The following SYT13 variants were observed in gnomAD, a reference collection of about 807,000 sequenced individuals.
SYT13 encodes synaptotagmin-13.
In SYT13, 21 loss-of-function variants were observed where a neutral mutation model predicts 38.6. That is an observed-to-expected ratio of 0.54 (90% confidence interval 0.39 to 0.78). The LOEUF (loss-of-function observed/expected upper bound fraction) is 0.78, where lower values mean the gene tolerates loss of function less well. Among genes scored for constraint, SYT13 ranks in the 30% least tolerant of loss-of-function variants. The pLI is 0.00. For synonymous variants in SYT13, 241 were observed against 237.6 expected, an observed-to-expected ratio of 1.01 and a Z score of -0.13; for missense variants, 495 against 548.7, an observed-to-expected ratio of 0.90 and a Z score of 0.98.
chr11:45,267,770 G>A (rs1344162820), intron 1 of SYT13, among the ~76,000 whole-genome samples: 1 of 152,162 alleles, frequency 6.6e-6, no homozygotes, highest in African/African-American at 2.4e-5. Flanking sequence ...AGTTATTTCT[G>A]GGAGTGGGAG....
At chr11:45,269,670 A>G (rs1415045468) in intron 1 of SYT13, among the ~76,000 whole-genome samples, 3 of 152,240 alleles carry the variant, frequency 2.0e-5, no homozygotes, top group South Asian at 2.1e-4. Flanking sequence ...AGATTGAAAC[A>G]TATCCAAGCT....
chr11:45,251,014 T>G (rs927461919), intron 4 of SYT13, among the ~76,000 whole-genome samples: 1 of 152,122 alleles, frequency 6.6e-6, no homozygotes, highest in Non-Finnish European at 1.5e-5. Flanking sequence ...ATAGTCATGG[T>G]GTCTCTCTCA....
intron 5 of SYT13, among the ~76,000 whole-genome samples, chr11:45,245,339 T>C (rs1430378080): frequency 6.6e-6 from 1 of 152,230 alleles, no homozygotes; most frequent in Non-Finnish European, 1.5e-5. Flanking sequence ...TCTGGGAGGT[T>C]AGTTTGTTAT....
Position 45,241,519 on chromosome 11 carries a change from C to G in SYT13, c.*2533G>C, listed in dbSNP as rs1565370481. On this transcript the variant is annotated 3_prime_UTR_variant, in exon 6 of 6. Coordinates refer to ENST00000020926, the MANE Select transcript of SYT13 (RefSeq NM_020826.3). ...GAGATCCCTCCCCCGCCCCGCCCCCCCAAAAAAAAGAAGAAGAAGAATGAA... is the reference window on the plus strand; with the variant it reads ...GAGATCCCTCCCCCGCCCCGCCCCCGCAAAAAAAAGAAGAAGAAGAATGAA... The G allele has an allele frequency of 7.1e-6, 1 of 141,184 alleles. No individual in the cohort carries two copies. Among genetic ancestry groups the G allele is most frequent in the East Asian group, 2.1e-4 (1 of 4,746 alleles). The allele number at this position is 141,184 out of a possible 1,614,324, so 8.7% of individuals were successfully genotyped here. A position where few individuals can be genotyped will look rare whatever the true frequency, so the allele number is the denominator to read the frequency against.
chr11:45,269,598 T>C (rs1411354919), intron 1 of SYT13: 2 of 532,980 alleles, frequency 3.8e-6, no homozygotes, highest in Middle Eastern at 3.7e-4. Context: ...TATACCCTAA[T>C]ATTAACAAAT....
In SYT13 at chr11:45,277,453, T is replaced by C. The variant is rs2135909981; in HGVS notation, c.183+8572A>G. On this transcript the variant is annotated intron_variant, in intron 1 of 5. Transcript: ENST00000020926. ...TCAGTACGTAGCTCAATGCCCCTCC[T>C]GGAGACATTAATAAATGTTTGATTT... 2.6e-5 allele frequency among the ~76,000 whole-genome samples: 4 copies of C among 152,344 alleles called. 1 individual carries two copies. Among genetic ancestry groups the C allele is most frequent in the Middle Eastern group, 6.8e-3 (2 of 294 alleles).
At chr11:45,257,837 CG>C (rs71451609) in intron 1 of SYT13, among the ~76,000 whole-genome samples, 62,676 of 152,024 alleles carry the variant, frequency 0.41, 14,828 homozygotes, top group Non-Finnish European at 0.54. Flanking sequence ...GCCGGACTCT[CG>C]GGGACCTCTT....
At position 45,253,302 on chromosome 11, in the gene SYT13, T is replaced by C. The variant is rs140705759; in HGVS notation, c.545-580A>G. Among the ~76,000 whole-genome samples, 463 of 152,314 alleles carry C rather than the reference T, an allele frequency of 3.0e-3. 1 individual carries two copies. Among genetic ancestry groups the C allele is most frequent in the African/African-American group, 0.011 (445 of 41,566 alleles). ...AAGAGAAGATGAAGAACTGAGGCTA[T>C]GTGTCTTAACAGCAAGAGCTTTCCA... On this transcript the variant is annotated intron_variant, in intron 3 of 5. Coordinates refer to ENST00000020926, the MANE Select transcript of SYT13 (RefSeq NM_020826.3).
chr11:45,285,938 C>G, intron 1 of SYT13, 87 bp downstream of exon 1: 1 of 1,520,996 alleles, frequency 6.6e-7, no homozygotes, highest in Non-Finnish European at 8.8e-7. Flanking sequence ...CAAAGATCCA[C>G]GACCGCCTCC....
rs115514435 is a variant in SYT13 at position 45,279,450 on chromosome 11, G to T, written c.183+6575C>A. Reference sequence around the variant, plus strand: ...AATTTAAAAGAAATTAGCCAGGTACGGTGGCACATGACTGTATTCCCAGCT... The same window carrying T: ...AATTTAAAAGAAATTAGCCAGGTACTGTGGCACATGACTGTATTCCCAGCT... On this transcript the variant is annotated intron_variant, in intron 1 of 5. Transcript: ENST00000020926. 5.0e-3 allele frequency among the ~76,000 whole-genome samples: 765 copies of T among 152,160 alleles called. 9 individuals are homozygous for T. Among genetic ancestry groups the T allele is most frequent in the African/African-American group, 0.017 (718 of 41,504 alleles).
intron 1 of SYT13, among the ~76,000 whole-genome samples, chr11:45,279,833 A>G (rs1297784095): frequency 6.6e-6 from 1 of 152,122 alleles, no homozygotes; most frequent in East Asian, 1.9e-4. Flanking sequence ...CCAGAGTTGA[A>G]TCAGTTCCAG....
chr11:45,285,894 G>T, intron 1 of SYT13, 131 bp downstream of exon 1: 1 of 1,013,724 alleles, frequency 9.9e-7, no homozygotes. Context: ...CCTCCAACGC[G>T]TCTGCTGTCC....
In SYT13 at chr11:45,246,482, G is replaced by A; in HGVS notation, c.877C>T (p.Leu293=). The change falls in exon 5 of 6, where the codon CTA becomes TTA. Residue 293 remains leucine (L), a synonymous_variant. Coordinates refer to ENST00000020926, the MANE Select transcript of SYT13 (RefSeq NM_020826.3). ...EPSAGAGEVL[L]SISYLPAANR... is the part of the protein sequence containing the mutation. Reference sequence around the variant, plus strand: ...GCAGCCGGGAGGTAGCTGATGGATAGTAGGACCTCTCCAGCTCCTGCAGAT... The same window carrying A: ...GCAGCCGGGAGGTAGCTGATGGATAATAGGACCTCTCCAGCTCCTGCAGAT... 3 of 1,614,168 alleles carry A rather than the reference G, an allele frequency of 1.9e-6. No individual in the cohort carries two copies. Among genetic ancestry groups the A allele is most frequent in the African/African-American group, 1.3e-5 (1 of 75,034 alleles).
chr11:45,246,136 C>A (rs1269215251), intron 5 of SYT13, among the ~76,000 whole-genome samples: 1 of 152,142 alleles, frequency 6.6e-6, no homozygotes, highest in Non-Finnish European at 1.5e-5. Context: ...CCAGGTAGCT[C>A]ACACTGGGGT....
At chr11:45,267,955 A>T (rs10838439) in intron 1 of SYT13, among the ~76,000 whole-genome samples, 58,863 of 151,766 alleles carry the variant, frequency 0.39, 13,999 homozygotes, top group Non-Finnish European at 0.54. Flanking sequence ...ATCCTTTCTC[A>T]AATCCGCCTC....
rs1468798187 is a variant in SYT13, at chr11:45,254,376, C to A, written c.438G>T (p.Glu146Asp). 1.2e-6 allele frequency: 2 copies of A among 1,613,596 alleles called. No homozygotes were observed. Among genetic ancestry groups the A allele is most frequent in the Non-Finnish European group, 1.7e-6 (2 of 1,179,814 alleles). The change falls in exon 3 of 6, where the codon GAG (glutamate) becomes GAT (aspartate). Residue 146 changes from glutamate to aspartate, a missense_variant. Coordinates refer to ENST00000020926, the MANE Select transcript of SYT13 (RefSeq NM_020826.3). The part of the protein sequence containing the change: ...NGVVEDVCVM[E>D]TWNPEKAASW... ...TGGCAGCCTTCTCTGGGTTCCAGGT[C>A]TCCATGACACAGACATCCTCCACCA... is the stretch of plus-strand genomic sequence containing the variant.
chr11:45,273,996 C>T (rs1277492336), intron 1 of SYT13, among the ~76,000 whole-genome samples: 1 of 152,158 alleles, frequency 6.6e-6, no homozygotes, highest in East Asian at 1.9e-4. Context: ...CTTAGAGAAC[C>T]TTGTAGAATC....
Position 45,286,316 on chromosome 11 carries a change from C to A in SYT13, c.-109G>T. On this transcript the variant is annotated 5_prime_UTR_variant, in exon 1 of 6. Coordinates refer to ENST00000020926, the MANE Select transcript of SYT13 (RefSeq NM_020826.3). The stretch of plus-strand genomic sequence containing the variant: ...CCGGGCGAGCCAGCAGCTCTCCCGC[C>A]GCCAGAGGGGCGGGGACGGAGGGAG... 4.6e-6 allele frequency: 6 copies of A among 1,298,202 alleles called. No homozygotes were observed. The South Asian group carries it at 4.7e-5, about 10-fold the overall frequency. The allele number at this position is 1,298,202 out of a possible 1,614,324, so 80.4% of individuals were successfully genotyped here. A position where few individuals can be genotyped will look rare whatever the true frequency, so the allele number is the denominator to read the frequency against.
intron 1 of SYT13, among the ~76,000 whole-genome samples, chr11:45,265,893 A>G (rs140347926): frequency 3.5e-4 from 54 of 152,320 alleles, no homozygotes; most frequent in African/African-American, 1.2e-3. Context: ...GGAACTCATC[A>G]GTGGTAATAG....
Sources: allele counts gnomAD v4.1 joint callset (sites outside exome capture counted in the v4.1 genomes callset), GRCh38; gene constraint gnomAD v4.1.1; transcripts MANE v1.5; gene names NCBI Gene and HGNC (gene_info 2026-07-23, HGNC 2026-07-21).